The following SMARCA4 variants were observed in gnomAD, a reference collection of about 807,000 sequenced individuals.
The protein encoded by SMARCA4 is SWI/SNF-related matrix-associated actin-dependent regulator of chromatin subfamily A member 4.
Under a neutral mutation model 193.9 loss-of-function variants are expected in SMARCA4, and 31 were observed. The ratio of observed to expected loss-of-function variants is 0.16; its 90% confidence interval spans 0.12 to 0.22. The LOEUF (loss-of-function observed/expected upper bound fraction) is 0.22, where lower values mean the gene tolerates loss of function less well. Ranked by LOEUF, SMARCA4 falls within the 10% of genes least tolerant of loss-of-function variation. The pLI, the probability that SMARCA4 is intolerant of heterozygous loss-of-function variation, is 1.00. For missense variants in SMARCA4, 1,148 were observed against 2,296.0 expected (o/e 0.50, Z 10.22); for synonymous variants, 942 against 933.1 (o/e 1.01, Z -0.17).
rs1600067802 is a variant in SMARCA4, at chr19:10,994,872, A to G, written c.1464A>G (p.Glu488=). The G allele has an allele frequency of 6.2e-7, 1 of 1,614,200 alleles. No individual in the cohort carries two copies. Among genetic ancestry groups the G allele is most frequent in the Non-Finnish European group, 8.5e-7 (1 of 1,180,018 alleles). The change falls in exon 9 of 35, where the codon GAA becomes GAG. Residue 488 remains glutamate, a synonymous_variant. Transcript: ENST00000344626. ...SILQHAKDFK[E]YHRSVTGKIQ... ...TCCAGCATGCCAAGGATTTCAAGGAATATCACAGATCCGTCACAGGCAAAA... is the reference window on the plus strand; with the variant it reads ...TCCAGCATGCCAAGGATTTCAAGGAGTATCACAGATCCGTCACAGGCAAAA...
chr19:10,975,078 CG>C (rs1174251217), intron 1 of SMARCA4, among the ~76,000 whole-genome samples: 1 of 132,220 alleles, frequency 7.6e-6, no homozygotes, highest in Non-Finnish European at 1.5e-5. Context: ...AGTGCAGTGG[CG>C]TGATCTTGGC....
chr19:10,990,206 T>G (rs1182805614), intron 7 of SMARCA4, among the ~76,000 whole-genome samples: 3 of 151,970 alleles, frequency 2.0e-5, no homozygotes, highest in Admixed American at 6.6e-5. Context: ...CAGGCTGGAG[T>G]GCAGTGGTGC....
chr19:11,006,443 T>C (rs937098643), intron 13 of SMARCA4, among the ~76,000 whole-genome samples: 4 of 152,186 alleles, frequency 2.6e-5, no homozygotes, highest in Non-Finnish European at 5.9e-5. Flanking sequence ...GCAATAAATA[T>C]TGAAAGTTGG....
In SMARCA4 at chr19:11,030,724, C is replaced by T. The variant is rs760118048; in HGVS notation, c.3383-6C>T. ...CGCTGACCCTGTTCTCCTCTGTGCC[C>T]GTCAGGAACCACGAAGGCGGAGGAC... On this transcript the variant is annotated splice_polypyrimidine_tract_variant and splice_region_variant and intron_variant, in intron 24 of 34. Transcript: ENST00000344626. The surrounding 1 kb of genome is among the most constrained non-coding windows in gnomAD (Gnocchi z 5.5). The T allele has an allele frequency of 1.1e-5, 18 of 1,610,324 alleles. No individual in the cohort carries two copies. The African/African-American group carries it at 1.2e-4, about 11-fold the overall frequency.
chr19:11,038,164 C>T (rs1276878995), intron 29 of SMARCA4, among the ~76,000 whole-genome samples: 1 of 152,166 alleles, frequency 6.6e-6, no homozygotes, highest in Admixed American at 6.5e-5. Context: ...GTGTTCCTTT[C>T]GAGGCCCTAG....
intron 7 of SMARCA4, among the ~76,000 whole-genome samples, chr19:10,990,619 C>T (rs1251102072): frequency 2.0e-5 from 3 of 151,910 alleles, no homozygotes; most frequent in African/African-American, 7.3e-5. Context: ...CGCCATGTCG[C>T]CCAGGCTAGT....
chr19:10,995,419 C>A, intron 9 of SMARCA4: 1 of 462,222 alleles, frequency 2.2e-6, no homozygotes. Context: ...GGACATGGCC[C>A]CTGCCTTTGT....
chr19:10,981,218 C>G (rs977788179), intron 1 of SMARCA4, among the ~76,000 whole-genome samples: 1 of 152,184 alleles, frequency 6.6e-6, no homozygotes, highest in Non-Finnish European at 1.5e-5. Flanking sequence ...ACAGAAGGCC[C>G]AGAGGGGAGC....
intron 15 of SMARCA4, among the ~76,000 whole-genome samples, chr19:11,010,758 G>A (rs1277449057): frequency 6.6e-6 from 1 of 152,136 alleles, no homozygotes; most frequent in African/African-American, 2.4e-5. Flanking sequence ...GTGTCTACTG[G>A]GTGCCCGATG....
rs1555768701 is a variant in SMARCA4 at position 11,003,360 on chromosome 19, C to T, written c.1964C>T (p.Ser655Phe). Residue 655 changes from serine (S) to phenylalanine (F), a missense_variant, in exon 13 of 35, where the codon TCT (serine) becomes TTT (phenylalanine). Ser to Phe is a radical substitution (Grantham distance 155). Coordinates refer to ENST00000344626, the MANE Select transcript of SMARCA4 (RefSeq NM_003072.5). Reference protein sequence around the residue: ...MNPGYEVAPRSDSEESGSEEE... With the variant: ...MNPGYEVAPRFDSEESGSEEE... ...TCTAGGTATGAAGTAGCTCCGAGGT[C>T]TGATAGTGAAGAAAGTGGCTCAGAA... 3.1e-6 allele frequency: 5 copies of T among 1,614,084 alleles called. No homozygotes were observed. Among genetic ancestry groups the T allele is most frequent in the Non-Finnish European group, 4.2e-6 (5 of 1,179,926 alleles).
chr19:10,966,656 C>T (rs563595294), intron 1 of SMARCA4, among the ~76,000 whole-genome samples: 4 of 144,792 alleles, frequency 2.8e-5, no homozygotes, highest in African/African-American at 7.7e-5. Context: ...GGAGCCGAGG[C>T]GGGCGGATCG....
rs2075034689 is a variant in SMARCA4, at chr19:11,033,012, T to TG, written c.3547-272dup. On this transcript the variant is annotated intron_variant, in intron 25 of 34. Coordinates refer to ENST00000344626, the MANE Select transcript of SMARCA4 (RefSeq NM_003072.5). This position sits in a 1 kb window ranked among gnomAD's most constrained non-coding sequence, Gnocchi z 9.8. ...GGAGCTGCTTGAGAATATAATCCCCTGGGGGGTTGGTGCTTTCTTCCCGAA... is the reference window on the plus strand; with the variant it reads ...GGAGCTGCTTGAGAATATAATCCCCTGGGGGGGTTGGTGCTTTCTTCCCGAA... The TG allele has an allele frequency of 5.5e-6, 3 of 548,334 alleles. No homozygotes were observed. The highest frequency in any genetic ancestry group is 2.0e-5 in the South Asian group (1 of 50,692). The allele number at this position is 548,334 out of a possible 1,614,324, so 34.0% of individuals were successfully genotyped here. A position where few individuals can be genotyped will look rare whatever the true frequency, so the allele number is the denominator to read the frequency against.
At chr19:10,999,827 C>T (rs753056583) in intron 11 of SMARCA4, among the ~76,000 whole-genome samples, 10 of 152,198 alleles carry the variant, frequency 6.6e-5, no homozygotes, top group Non-Finnish European at 1.3e-4. Context: ...ACAGAAAGTA[C>T]GTTCCAAAGT....
At chr19:10,968,408 T>C (rs2084407879) in intron 1 of SMARCA4, among the ~76,000 whole-genome samples, 1 of 152,336 alleles carries the variant, frequency 6.6e-6, no homozygotes, top group South Asian at 2.1e-4. Flanking sequence ...TGAACCGTTT[T>C]GCTCTGTGTG....
At chr19:11,010,338 T>A (rs767501603) in intron 14 of SMARCA4, 43 bp from the exon 15 acceptor site, 2 of 1,609,254 alleles carry the variant, frequency 1.2e-6, no homozygotes, top group Non-Finnish European at 1.7e-6. Flanking sequence ...TTGTCACAGA[T>A]AGGAATGTGT....
rs775090302 is a variant in SMARCA4 at position 11,033,200 on chromosome 19, C to G, written c.3547-90C>G. 3 of 1,004,594 alleles carry G rather than the reference C, an allele frequency of 3.0e-6. No homozygotes were observed. Among genetic ancestry groups the G allele is most frequent in the Non-Finnish European group, 4.8e-6 (3 of 631,416 alleles). The allele number at this position is 1,004,594 out of a possible 1,614,324, so 62.2% of individuals were successfully genotyped here. Reference sequence around the variant, plus strand: ...ATTGTCAGGCCGAGGGTGGCACGCACAGCACACCTCTCCAGCTAGTGTCAG... The same window carrying G: ...ATTGTCAGGCCGAGGGTGGCACGCAGAGCACACCTCTCCAGCTAGTGTCAG... On this transcript the variant is annotated intron_variant, in intron 25 of 34. Coordinates refer to ENST00000344626, the MANE Select transcript of SMARCA4 (RefSeq NM_003072.5). This position sits in a 1 kb window ranked among gnomAD's most constrained non-coding sequence, Gnocchi z 9.8.
chr19:10,985,209 CAT>C lies in SMARCA4; in HGVS notation c.223-62_223-61del. On this transcript the variant is annotated intron_variant, in intron 2 of 34. Coordinates refer to ENST00000344626, the MANE Select transcript of SMARCA4 (RefSeq NM_003072.5). The surrounding 1 kb of genome is among the most constrained non-coding windows in gnomAD (Gnocchi z 4.5). The stretch of plus-strand genomic sequence containing the variant: ...GCCCTCGAGCTTCTCTCGGGCAGCG[CAT>C]AGCTGCGCTGCCACCTCACGTTCCA... 1 of 1,584,958 alleles carries C rather than the reference CAT, an allele frequency of 6.3e-7. No individual in the cohort carries two copies. The highest frequency in any genetic ancestry group is 2.2e-5 in the East Asian group (1 of 44,714).
At position 11,021,913 on chromosome 19, in the gene SMARCA4, C is replaced by T. The variant is rs1600279261; in HGVS notation, c.2805C>T (p.Ser935=). 1 of 1,613,766 alleles carries T rather than the reference C, an allele frequency of 6.2e-7. No individual in the cohort carries two copies. The highest frequency in any genetic ancestry group is 8.5e-7 in the Non-Finnish European group (1 of 1,180,048). The change falls in exon 19 of 35, where the codon AGC becomes AGT. Residue 935 remains serine (S), a synonymous_variant. Transcript: ENST00000344626. ...TCCTGCTGCCCACCATCTTCAAGAG[C>T]TGCAGCACCTTCGAGCAGTGGTTTA... The part of the protein sequence containing the change: ...LNFLLPTIFK[S]CSTFEQWFNA...
At chr19:11,022,576 C>G (rs1281273648) in intron 19 of SMARCA4, among the ~76,000 whole-genome samples, 1 of 152,198 alleles carries the variant, frequency 6.6e-6, no homozygotes, top group Non-Finnish European at 1.5e-5. Flanking sequence ...GACTGTGTTT[C>G]CTGCTGAGGG....
Sources: allele counts gnomAD v4.1 joint callset (sites outside exome capture counted in the v4.1 genomes callset), GRCh38; gene constraint gnomAD v4.1.1; non-coding constraint Gnocchi (gnomAD v3.1); transcripts MANE v1.5; gene names NCBI Gene and HGNC (gene_info 2026-07-23, HGNC 2026-07-21).